Variants in ABL2 observed in about 807,000 individuals in gnomAD.
ABL2 encodes the protein ABL proto-oncogene 2, non-receptor tyrosine kinase, also known as tyrosine-protein kinase ABL2.
Under a neutral mutation model 107.7 loss-of-function variants are expected in ABL2, and 49 were observed. That is an observed-to-expected ratio of 0.45 (90% CI 0.36 to 0.58). The LOEUF is 0.58. Ranked by LOEUF, ABL2 falls within the 20% of genes least tolerant of loss-of-function variation. The probability of loss-of-function intolerance (pLI) is 0.00; values close to 1 mark genes in which losing one functional copy is unlikely to be tolerated. For missense variants in ABL2, 1,245 were observed against 1,457.0 expected (o/e 0.85, Z 2.37); for synonymous variants, 549 against 548.6 (o/e 1.00, Z -0.01).
intron 1 of ABL2, among the ~76,000 whole-genome samples, chr1:179,213,364 T>C (rs183627479): frequency 6.6e-6 from 1 of 152,090 alleles, no homozygotes; most frequent in Admixed American, 6.6e-5. Context: ...AACAGAGTCT[T>C]GCTATGTTGC....
chr1:179,120,687 G>A (rs1176136558), intron 5 of ABL2, among the ~76,000 whole-genome samples: 1 of 152,140 alleles, frequency 6.6e-6, no homozygotes, highest in Non-Finnish European at 1.5e-5. Context: ...CCAAATTGCT[G>A]GGATTACAGG....
chr1:179,192,762 T>A (rs1826183), intron 1 of ABL2, among the ~76,000 whole-genome samples: 66,926 of 152,050 alleles, frequency 0.44, 14,958 homozygotes, highest in Admixed American at 0.51. Flanking sequence ...ATTTTGGTTA[T>A]TCAAAGTATG....
At chr1:179,112,904 G>T (rs546077324) in intron 9 of ABL2, among the ~76,000 whole-genome samples, 1 of 152,080 alleles carries the variant, frequency 6.6e-6, no homozygotes, top group East Asian at 1.9e-4. Flanking sequence ...ACAGGCGCAC[G>T]CCACCACGTC....
chr1:179,158,958 G>T (rs1358945876), intron 1 of ABL2, among the ~76,000 whole-genome samples: 1 of 152,142 alleles, frequency 6.6e-6, no homozygotes, highest in Non-Finnish European at 1.5e-5. Flanking sequence ...TGTGAAGTGT[G>T]AGGCAATATG....
At chr1:179,137,365 G>A (rs1657130358) in intron 1 of ABL2, among the ~76,000 whole-genome samples, 1 of 151,772 alleles carries the variant, frequency 6.6e-6, no homozygotes, top group South Asian at 2.1e-4. Context: ...GCCAAAAAAA[G>A]TACAGAAAAT....
intron 1 of ABL2, among the ~76,000 whole-genome samples, chr1:179,190,727 G>T (rs1392740322): frequency 6.6e-6 from 1 of 152,130 alleles, no homozygotes; most frequent in Non-Finnish European, 1.5e-5. Context: ...CCAGCCTCCA[G>T]TCACCTCATT....
At chr1:179,128,402 CTG>C (rs1188508238) in intron 3 of ABL2, among the ~76,000 whole-genome samples, 1 of 151,904 alleles carries the variant, frequency 6.6e-6, no homozygotes, top group Non-Finnish European at 1.5e-5. Flanking sequence ...TAGCTTTTCT[CTG>C]TTAGTCCACA....
intron 1 of ABL2, among the ~76,000 whole-genome samples, chr1:179,140,753 G>A (rs1290897430): frequency 6.6e-6 from 1 of 152,178 alleles, no homozygotes; most frequent in Non-Finnish European, 1.5e-5. Context: ...ATGAACGCAG[G>A]CCAGGCACAG....
At chr1:179,227,919 C>T (rs922729715) in intron 1 of ABL2, among the ~76,000 whole-genome samples, 2 of 151,422 alleles carry the variant, frequency 1.3e-5, no homozygotes, top group East Asian at 1.9e-4. Context: ...GGTGTGGTGG[C>T]GGGCGCCTGT....
intron 1 of ABL2, among the ~76,000 whole-genome samples, chr1:179,161,216 A>C (rs1659047702): frequency 6.6e-6 from 1 of 152,144 alleles, no homozygotes; most frequent in African/African-American, 2.4e-5. Context: ...TATTTTTATA[A>C]TGCTAATTTT....
chr1:179,113,987 G>A (rs1572618734), intron 9 of ABL2, among the ~76,000 whole-genome samples: 1 of 152,060 alleles, frequency 6.6e-6, no homozygotes, highest in East Asian at 1.9e-4. Flanking sequence ...GGGCGTGGTG[G>A]CTCATGCCTG....
At chr1:179,171,935 T>A (rs1273904282) in intron 1 of ABL2, among the ~76,000 whole-genome samples, 2 of 152,144 alleles carry the variant, frequency 1.3e-5, no homozygotes, top group Non-Finnish European at 2.9e-5. Flanking sequence ...ATTTAACCAT[T>A]GGTCAAAGGC....
rs370960956 is a variant in ABL2 at position 179,182,748 on chromosome 1, A to C, written c.157+46493T>G. On this transcript the variant is annotated intron_variant, in intron 1 of 11. Coordinates refer to ENST00000502732, the MANE Select transcript of ABL2 (RefSeq NM_007314.4). ...GTTTATTATTATTTTGATTTGAATT[A>C]ACATTTTGCATATTTAAATTTATTT... 3.3e-5 allele frequency among the ~76,000 whole-genome samples: 5 copies of C among 152,190 alleles called. 1 individual carries two copies. The highest frequency in any genetic ancestry group is 2.6e-4 in the Admixed American group (4 of 15,272).
Position 179,105,430 on chromosome 1 carries a change from C to T in ABL2, c.*2288G>A, listed in dbSNP as rs1653404352. The T allele has an allele frequency of 4.3e-6, 1 of 231,072 alleles. No individual in the cohort carries two copies. The highest frequency in any genetic ancestry group is 2.2e-5 in the African/African-American group (1 of 45,226). The allele number at this position is 231,072 out of a possible 1,614,324, so 14.3% of individuals were successfully genotyped here. A position where few individuals can be genotyped will look rare whatever the true frequency, so the allele number is the denominator to read the frequency against. ...TAATATTCTACAGTTTTAGCTTTCC[C>T]ATCCTCGACCTTAAAAGGCTAGCTG... On this transcript the variant is annotated 3_prime_UTR_variant, in exon 12 of 12. Coordinates refer to ENST00000502732, the MANE Select transcript of ABL2 (RefSeq NM_007314.4).
At chr1:179,124,515 C>CTG (rs915690403) in intron 4 of ABL2, among the ~76,000 whole-genome samples, 16 of 143,356 alleles carry the variant, frequency 1.1e-4, no homozygotes, top group African/African-American at 4.0e-4. Flanking sequence ...GTTGCCCAGG[C>CTG]TGGAGTGCAG....
chr1:179,120,087 GT>G, intron 6 of ABL2, 102 bp downstream of exon 6: 2 of 678,032 alleles, frequency 2.9e-6, no homozygotes, highest in Admixed American at 5.5e-5. Flanking sequence ...GCGAGACCCT[GT>G]CTCTATATTT....
rs150982608 is a variant in ABL2, at chr1:179,155,663, A to G, written c.158-22289T>C. On this transcript the variant is annotated intron_variant, in intron 1 of 11. Transcript: ENST00000502732. ...CAAGAATCGCTTGAACCTAGGTGGC[A>G]GAGGTTGCAATGAGCCGAGATCGGG... is the stretch of plus-strand genomic sequence containing the variant. Among the ~76,000 whole-genome samples the G allele has an allele frequency of 8.0e-3, 1,220 of 151,842 alleles. 11 individuals carry two copies. The highest frequency in any genetic ancestry group is 0.027 in the African/African-American group (1,127 of 41,370).
In ABL2 at chr1:179,116,985, G is replaced by A. The variant is rs183613361; in HGVS notation, c.1408+347C>T. ...CTCTTGAATAGCTGGGATTACTGGC[G>A]CATGCCACCACGCCTGGCTAATTTT... On this transcript the variant is annotated intron_variant, in intron 8 of 11. Transcript: ENST00000502732. 87 of 313,716 alleles carry A rather than the reference G, an allele frequency of 2.8e-4. No homozygotes were observed. The East Asian group carries it at 4.1e-3, about 15-fold the overall frequency. The allele number at this position is 313,716 out of a possible 1,614,324, so 19.4% of individuals were successfully genotyped here. A position where few individuals can be genotyped will look rare whatever the true frequency, so the allele number is the denominator to read the frequency against.
chr1:179,142,741 C>G (rs1553223561), intron 1 of ABL2, among the ~76,000 whole-genome samples: 5 of 152,194 alleles, frequency 3.3e-5, no homozygotes, highest in Non-Finnish European at 2.9e-5. Context: ...TACATATTAT[C>G]CATACATTCT....
Sources: allele counts gnomAD v4.1 joint callset (sites outside exome capture counted in the v4.1 genomes callset), GRCh38; gene constraint gnomAD v4.1.1; transcripts MANE v1.5; gene names NCBI Gene and HGNC (gene_info 2026-07-23, HGNC 2026-07-21).